The following LIPC variants were observed in gnomAD, a reference collection of about 807,000 sequenced individuals.
LIPC encodes the protein lipase C, hepatic type, also known as hepatic triacylglycerol lipase.
LIPC carries 44 observed loss-of-function variants against 50.7 expected under a neutral mutation model. That is an observed-to-expected ratio of 0.87 (90% CI 0.68 to 1.11). The LOEUF (loss-of-function observed/expected upper bound fraction) is 1.11, where lower values mean the gene tolerates loss of function less well. Ranked by LOEUF, LIPC falls within the 50% of genes most tolerant of loss-of-function variation. LIPC has a pLI of 0.00. For synonymous variants in LIPC, 271 were observed against 256.4 expected, an observed-to-expected ratio of 1.06 and a Z score of -0.54; for missense variants, 697 against 648.2, an observed-to-expected ratio of 1.08 and a Z score of -0.82.
At chr15:58,516,219 A>C (rs1892483694) in intron 1 of LIPC, among the ~76,000 whole-genome samples, 1 of 116,636 alleles carries the variant, frequency 8.6e-6, no homozygotes, top group African/African-American at 3.1e-5. Context: ...ATGCAGTTTG[A>C]CTTTTTACCT....
intron 4 of LIPC, among the ~76,000 whole-genome samples, chr15:58,544,553 G>A (rs773703478): frequency 3.3e-5 from 5 of 151,792 alleles, no homozygotes; most frequent in Non-Finnish European, 7.4e-5. Flanking sequence ...CCACCACCAC[G>A]CCCGGCTAAT....
At chr15:58,453,473 T>A (rs1224368416) in intron 1 of LIPC, among the ~76,000 whole-genome samples, 7 of 152,096 alleles carry the variant, frequency 4.6e-5, no homozygotes, top group African/African-American at 1.7e-4. Flanking sequence ...TCCCAGCAAT[T>A]CCTACTCTCC....
intron 4 of LIPC, 95 bp from the exon 5 acceptor site, chr15:58,545,647 T>A: frequency 5.8e-6 from 6 of 1,035,388 alleles, no homozygotes; most frequent in Non-Finnish European, 7.3e-6. Context: ...TTCCTGCTAG[T>A]TCACTGATGT....
At chr15:58,493,797 A>G (rs1244427760) in intron 1 of LIPC, among the ~76,000 whole-genome samples, 1 of 150,780 alleles carries the variant, frequency 6.6e-6, no homozygotes, top group African/African-American at 2.4e-5. Flanking sequence ...ATATATTTAT[A>G]TGGCTCACTA....
intron 1 of LIPC, among the ~76,000 whole-genome samples, chr15:58,499,601 C>G (rs117279304): frequency 1.3e-5 from 2 of 152,258 alleles, no homozygotes; most frequent in Non-Finnish European, 2.9e-5. Flanking sequence ...ATAAGTTGAT[C>G]CCAGTGGATC....
chr15:58,445,210 C>A (rs944023575), intron 1 of LIPC, among the ~76,000 whole-genome samples: 3 of 152,348 alleles, frequency 2.0e-5, no homozygotes, highest in East Asian at 3.9e-4. Context: ...ACCAAGAAGG[C>A]GCCGTTTAGC....
chr15:58,471,328 T>TTGG (rs1555399295), intron 1 of LIPC, among the ~76,000 whole-genome samples: 2 of 114,182 alleles, frequency 1.8e-5, no homozygotes, highest in Admixed American at 9.0e-5. Context: ...TTAGTAGAGA[T>TTGG]GGGGGGGGGT....
At chr15:58,533,280 C>A in intron 1 of LIPC, 1 of 539,056 alleles carries the variant, frequency 1.9e-6, no homozygotes, top group Non-Finnish European at 2.4e-6. Flanking sequence ...CACAGCTTAT[C>A]ATAGAGTGGC....
At chr15:58,449,130 A>G (rs567028524) in intron 1 of LIPC, among the ~76,000 whole-genome samples, 2 of 152,280 alleles carry the variant, frequency 1.3e-5, no homozygotes, top group South Asian at 4.1e-4. Context: ...GGAGGCTCCA[A>G]GGGCCCTTTG....
At chr15:58,481,463 A>G (rs1891186353) in intron 1 of LIPC, among the ~76,000 whole-genome samples, 1 of 152,208 alleles carries the variant, frequency 6.6e-6, no homozygotes, top group Non-Finnish European at 1.5e-5. Context: ...TAACTGGATA[A>G]ATAAATCAGG....
At chr15:58,523,788 G>A (rs1189418576) in intron 1 of LIPC, among the ~76,000 whole-genome samples, 16 of 151,992 alleles carry the variant, frequency 1.1e-4, no homozygotes, top group Admixed American at 1.0e-3. Flanking sequence ...TTAGCTAGTG[G>A]AGCAGGGCTG....
intron 4 of LIPC, among the ~76,000 whole-genome samples, chr15:58,543,434 T>A (rs1893407704): frequency 1.3e-5 from 2 of 152,084 alleles, no homozygotes; most frequent in Middle Eastern, 3.4e-3. Flanking sequence ...ACACAAGGTT[T>A]TTCTCTACTT....
intron 1 of LIPC, among the ~76,000 whole-genome samples, chr15:58,488,603 C>T (rs71478670): frequency 0.092 from 14,060 of 152,288 alleles, 775 homozygotes; most frequent in Non-Finnish European, 0.13. Context: ...CCTCTCTGAA[C>T]TGCCCCATTT....
At chr15:58,544,633 T>C (rs1457256757) in intron 4 of LIPC, among the ~76,000 whole-genome samples, 1 of 152,102 alleles carries the variant, frequency 6.6e-6, no homozygotes, top group Non-Finnish European at 1.5e-5. Context: ...TGACCTCAGG[T>C]GATCTGCCAG....
At chr15:58,553,257 T>G (rs545919424) in intron 6 of LIPC, among the ~76,000 whole-genome samples, 2 of 151,492 alleles carry the variant, frequency 1.3e-5, no homozygotes, top group African/African-American at 4.8e-5. Flanking sequence ...ACACACACAC[T>G]CCCCCATCTC....
At chr15:58,483,414 C>G (rs12908427) in intron 1 of LIPC, among the ~76,000 whole-genome samples, 17,048 of 152,102 alleles carry the variant, frequency 0.11, 1,177 homozygotes, top group Non-Finnish European at 0.16. Flanking sequence ...GCACACTGAC[C>G]CTGCAGTTTA....
chr15:58,531,455 A>C (rs1892956749), intron 1 of LIPC, among the ~76,000 whole-genome samples: 1 of 152,132 alleles, frequency 6.6e-6, no homozygotes, highest in African/African-American at 2.4e-5. Flanking sequence ...AAAGAAAAAA[A>C]TCATTCTGAT....
intron 4 of LIPC, among the ~76,000 whole-genome samples, chr15:58,544,465 G>A (rs2140918869): frequency 8.0e-6 from 1 of 124,810 alleles, no homozygotes; most frequent in Admixed American, 1.1e-4. Flanking sequence ...GCATGATCTT[G>A]GCTCACTGCA....
chr15:58,465,401 T>A (rs1265972982), intron 1 of LIPC, among the ~76,000 whole-genome samples: 3 of 152,204 alleles, frequency 2.0e-5, no homozygotes, highest in Admixed American at 1.3e-4. Context: ...TGAAGGTTTT[T>A]CAAATTCACA....
Sources: gnomAD v4.1 joint callset for allele counts (sites outside exome capture counted in the v4.1 genomes callset) on GRCh38, gnomAD v4.1.1 for gene constraint, MANE v1.5 for transcripts, NCBI Gene and HGNC (gene_info 2026-07-23, HGNC 2026-07-21) for gene names.